The following FAM210A variants were observed in gnomAD, a reference collection of about 807,000 sequenced individuals.
FAM210A encodes family with sequence similarity 210 member A.
A neutral mutation model predicts 25.3 loss-of-function variants in FAM210A; 13 were observed. The ratio of observed to expected loss-of-function variants is 0.51; its 90% CI spans 0.33 to 0.82. The LOEUF is 0.82. Among genes scored for constraint, FAM210A ranks in the 40% least tolerant of loss-of-function variants. The pLI, the probability that FAM210A is intolerant of heterozygous loss-of-function variation, is 0.02. For missense variants in FAM210A, 319 were observed against 323.2 expected, an observed-to-expected ratio of 0.99 and a Z score of 0.10; for synonymous variants, 125 against 118.7, an observed-to-expected ratio of 1.05 and a Z score of -0.35.
intron 1 of FAM210A, among the ~76,000 whole-genome samples, chr18:13,702,319 T>C (rs543836216): frequency 3.6e-4 from 55 of 152,350 alleles, no homozygotes; most frequent in African/African-American, 1.3e-3. Flanking sequence ...TGCAGCCAAT[T>C]TGGTATGCTT....
chr18:13,683,262 T>A (rs974472158), intron 1 of FAM210A, among the ~76,000 whole-genome samples: 1 of 152,242 alleles, frequency 6.6e-6, no homozygotes, highest in East Asian at 1.9e-4. Flanking sequence ...GACTAAGTTA[T>A]CAAGTTATAA....
intron 1 of FAM210A, among the ~76,000 whole-genome samples, chr18:13,686,540 A>G (rs2043598510): frequency 6.6e-6 from 1 of 152,178 alleles, no homozygotes; most frequent in Non-Finnish European, 1.5e-5. Flanking sequence ...AAGTGTGTAT[A>G]TTCAGGGCAA....
chr18:13,695,823 G>C (rs2043687942), intron 1 of FAM210A, among the ~76,000 whole-genome samples: 1 of 151,828 alleles, frequency 6.6e-6, no homozygotes, highest in Admixed American at 6.6e-5. Flanking sequence ...TAACAAACCG[G>C]CACGTTGTGC....
At chr18:13,683,359 T>C (rs747899222) in intron 1 of FAM210A, among the ~76,000 whole-genome samples, 1 of 152,252 alleles carries the variant, frequency 6.6e-6, no homozygotes, top group East Asian at 1.9e-4. Flanking sequence ...AGAAAAAAAG[T>C]GTAGAGTGAT....
At chr18:13,702,594 C>T (rs939788296) in intron 1 of FAM210A, among the ~76,000 whole-genome samples, 3 of 152,192 alleles carry the variant, frequency 2.0e-5, no homozygotes, top group African/African-American at 7.2e-5. Context: ...GTTCATGTCA[C>T]GGGTAGCTCT....
At chr18:13,673,838 C>T (rs1200102735) in intron 2 of FAM210A, among the ~76,000 whole-genome samples, 2 of 143,286 alleles carry the variant, frequency 1.4e-5, no homozygotes, top group African/African-American at 2.6e-5. Context: ...TTCCGGTTTC[C>T]TGATTATTAA....
intron 1 of FAM210A, among the ~76,000 whole-genome samples, chr18:13,708,816 T>C (rs1272747402): frequency 2.6e-5 from 4 of 151,436 alleles, no homozygotes; most frequent in African/African-American, 9.7e-5. Context: ...GCGCCTTGCC[T>C]GACCCTGTCC....
At chr18:13,695,091 C>A (rs1265472472) in intron 1 of FAM210A, among the ~76,000 whole-genome samples, 1 of 152,208 alleles carries the variant, frequency 6.6e-6, no homozygotes, top group Non-Finnish European at 1.5e-5. Context: ...GACATTTATG[C>A]AGCCAACAGA....
chr18:13,695,079 A>G (rs2043680903), intron 1 of FAM210A, among the ~76,000 whole-genome samples: 1 of 152,258 alleles, frequency 6.6e-6, no homozygotes, highest in Non-Finnish European at 1.5e-5. Context: ...TTCTAAAAAG[A>G]AGACATTTAT....
chr18:13,696,101 G>A (rs898176250), intron 1 of FAM210A, among the ~76,000 whole-genome samples: 1 of 152,178 alleles, frequency 6.6e-6, no homozygotes, highest in Admixed American at 6.5e-5. Flanking sequence ...TAAATGGAGA[G>A]ATAGTCTACA....
chr18:13,720,534 G>A (rs184035171), intron 1 of FAM210A, among the ~76,000 whole-genome samples: 1 of 152,180 alleles, frequency 6.6e-6, no homozygotes, highest in Non-Finnish European at 1.5e-5. Flanking sequence ...ACAGGTGGAA[G>A]GCCCCTGAAT....
intron 1 of FAM210A, among the ~76,000 whole-genome samples, chr18:13,708,482 C>T (rs1054588786): frequency 1.7e-4 from 26 of 152,164 alleles, no homozygotes; most frequent in African/African-American, 5.6e-4. Flanking sequence ...TCTAGTGAGT[C>T]GCCCCATTCT....
intron 3 of FAM210A, chr18:13,670,893 G>A (rs2043436190): frequency 6.5e-6 from 1 of 152,674 alleles, no homozygotes; most frequent in East Asian, 1.9e-4. Context: ...CTACTTGGGA[G>A]GCTAAAGCAG....
At chr18:13,673,071 C>G (rs556838518) in intron 2 of FAM210A, among the ~76,000 whole-genome samples, 10 of 150,438 alleles carry the variant, frequency 6.6e-5, no homozygotes, top group African/African-American at 1.7e-4. Flanking sequence ...ATTCCTGAGC[C>G]CCGACTTCTT....
chr18:13,699,158 G>A (rs142385630), intron 1 of FAM210A, among the ~76,000 whole-genome samples: 1 of 152,276 alleles, frequency 6.6e-6, no homozygotes, highest in East Asian at 1.9e-4. Context: ...AATTCAGTTT[G>A]CTGCTTAGAG....
chr18:13,688,692 G>A (rs530748304), intron 1 of FAM210A, among the ~76,000 whole-genome samples: 3 of 152,346 alleles, frequency 2.0e-5, no homozygotes, highest in East Asian at 3.9e-4. Context: ...CCCACGTGAC[G>A]AGCCAAAGGG....
At chr18:13,712,795 G>A (rs913324897) in intron 1 of FAM210A, among the ~76,000 whole-genome samples, 2 of 152,142 alleles carry the variant, frequency 1.3e-5, no homozygotes, top group Non-Finnish European at 2.9e-5. Flanking sequence ...CAGCCTGAAC[G>A]GACTCAGACA....
intron 3 of FAM210A, 145 bp from the exon 4 acceptor site, chr18:13,666,858 T>G: frequency 1.5e-6 from 1 of 682,208 alleles, no homozygotes; most frequent in East Asian, 2.7e-5. Context: ...AGTAATATCC[T>G]ATATGGTTTT....
chr18:13,685,531 C>T (rs1471187752), intron 1 of FAM210A, among the ~76,000 whole-genome samples: 1 of 152,192 alleles, frequency 6.6e-6, no homozygotes, highest in East Asian at 1.9e-4. Flanking sequence ...TTCAGACACT[C>T]TTTTCTATTG....
Sources: gnomAD v4.1 joint callset for allele counts (sites outside exome capture counted in the v4.1 genomes callset) on GRCh38, gnomAD v4.1.1 for gene constraint, MANE v1.5 for transcripts, NCBI Gene and HGNC (gene_info 2026-07-23, HGNC 2026-07-21) for gene names.